Variants in EPC2 observed in about 807,000 individuals in gnomAD.
The protein encoded by EPC2 is enhancer of polycomb 2.
EPC2 carries 14 observed loss-of-function variants against 92.1 expected under a neutral mutation model. The observed-to-expected ratio is 0.15, with a 90% CI of 0.10 to 0.24. The LOEUF (loss-of-function observed/expected upper bound fraction) is 0.24. Ranked by LOEUF, EPC2 falls within the 10% of genes least tolerant of loss-of-function variation. The pLI, the probability that EPC2 is intolerant of heterozygous loss-of-function variation, is 1.00. For missense variants in EPC2, 755 were observed against 971.5 expected (o/e 0.78, Z 2.96); for synonymous variants, 340 against 334.7 (o/e 1.02, Z -0.17).
intron 3 of EPC2, among the ~76,000 whole-genome samples, chr2:148,744,312 A>G (rs1366886639): frequency 6.6e-6 from 1 of 152,100 alleles, no homozygotes; most frequent in Non-Finnish European, 1.5e-5. Flanking sequence ...ATATTTATGC[A>G]CTTTGATTTA....
chr2:148,690,062 T>C (rs1274709028), intron 1 of EPC2, among the ~76,000 whole-genome samples, 152 bp from the exon 2 acceptor site: 1 of 152,244 alleles, frequency 6.6e-6, no homozygotes, highest in East Asian at 1.9e-4. Flanking sequence ...GAGAGAATGA[T>C]GACAATGTAA....
At chr2:148,751,972 C>T (rs1385867185) in intron 3 of EPC2, among the ~76,000 whole-genome samples, 1 of 152,032 alleles carries the variant, frequency 6.6e-6, no homozygotes, top group Non-Finnish European at 1.5e-5. Context: ...ATTCTTATTA[C>T]TTGTGATATA....
rs533919314 is a variant in EPC2, at chr2:148,678,644, G to T, written c.154-11570G>T. On this transcript the variant is annotated intron_variant, in intron 1 of 13. Transcript: ENST00000258484. ...ACAGCCTCCGCAGCCGCTGGCCCGG[G>T]TGCTAAGCCCCTCATTGCCTGGGGC... 1.7e-4 allele frequency among the ~76,000 whole-genome samples: 26 copies of T among 152,380 alleles called. No homozygotes were observed. In the South Asian group the frequency reaches 5.2e-3, roughly 30 times the overall value.
Position 148,644,964 on chromosome 2 carries a change from T to G in EPC2, c.-54T>G, listed in dbSNP as rs1054005947. The G allele has an allele frequency of 2.5e-5, 23 of 934,436 alleles. No homozygotes were observed. The highest frequency in any genetic ancestry group is 4.0e-4 in the Middle Eastern group (1 of 2,524). The allele number at this position is 934,436 out of a possible 1,614,324, so 57.9% of individuals were successfully genotyped here. On this transcript the variant is annotated 5_prime_UTR_variant, in exon 1 of 14. Coordinates refer to ENST00000258484, the MANE Select transcript of EPC2 (RefSeq NM_015630.4). ...GGAGGCGGCGGGAGTCCTCCCCCCC[T>G]CCCCGCCCGCCCCGCCGCCGCCGCC... is the stretch of plus-strand genomic sequence containing the variant.
In EPC2 at chr2:148,645,032, C is replaced by T. The variant is rs749546841; in HGVS notation, c.15C>T (p.Ser5=). 32 of 1,554,948 alleles carry T rather than the reference C, an allele frequency of 2.1e-5. No individual in the cohort carries two copies. The highest frequency in any genetic ancestry group is 2.7e-5 in the Non-Finnish European group (31 of 1,148,442). The change falls in exon 1 of 14, where the codon TCC becomes TCT. Residue 5 remains serine, a synonymous_variant. Coordinates refer to ENST00000258484, the MANE Select transcript of EPC2 (RefSeq NM_015630.4). The part of the protein sequence containing the change: MSKL[S]FRARALDAAK... ...GCGGGGAGACAATGAGTAAACTCTC[C>T]TTCCGAGCGCGGGCGCTGGACGCCG...
chr2:148,647,327 G>A (rs901539628), intron 1 of EPC2, among the ~76,000 whole-genome samples: 5 of 152,138 alleles, frequency 3.3e-5, no homozygotes, highest in Non-Finnish European at 5.9e-5. Flanking sequence ...TGTTTTTTGA[G>A]ATGGAGTTTA....
intron 1 of EPC2, among the ~76,000 whole-genome samples, chr2:148,670,549 T>G (rs1681136144): frequency 1.3e-5 from 2 of 152,228 alleles, no homozygotes. Flanking sequence ...ATTTTTTGTT[T>G]CTTTTTGTAT....
At chr2:148,728,919 C>G (rs922800917) in intron 2 of EPC2, among the ~76,000 whole-genome samples, 3 of 149,804 alleles carry the variant, frequency 2.0e-5, no homozygotes, top group Non-Finnish European at 3.0e-5. Flanking sequence ...GTAGTCCCAG[C>G]TACTCGGGAG....
Position 148,743,636 on chromosome 2 carries a change from A to G in EPC2, c.328A>G (p.Asn110Asp), listed in dbSNP as rs1253597994. The G allele has an allele frequency of 3.2e-6, 5 of 1,577,388 alleles. No homozygotes were observed. The highest frequency in any genetic ancestry group is 1.7e-4 in the Middle Eastern group (1 of 5,858). Residue 110 changes from asparagine (N) to aspartate (D), a missense_variant, in exon 3 of 14, where the codon AAC (asparagine) becomes GAC (aspartate). Physicochemically the swap from Asn to Asp is conservative, Grantham distance 23 (BLOSUM62 1). Around this residue, in one of 4 missense-constraint regions of EPC2, gnomAD observed 509 missense variants for 607.7 expected, o/e 0.84. Coordinates refer to ENST00000258484, the MANE Select transcript of EPC2 (RefSeq NM_015630.4). The stretch of plus-strand genomic sequence containing the variant: ...TTCTTTTCTAGCTTTTAATCTAGAC[A>G]ACGAGCAACCAGATTATGATATGGA... Reference protein sequence around the residue: ...FIHIQPFNLDNEQPDYDMDSE... With the variant: ...FIHIQPFNLDDEQPDYDMDSE...
intron 1 of EPC2, among the ~76,000 whole-genome samples, chr2:148,657,942 A>G (rs993816498): frequency 6.6e-6 from 1 of 151,856 alleles, no homozygotes; most frequent in African/African-American, 2.4e-5. Flanking sequence ...AGACATATCT[A>G]TATTACACAT....
intron 5 of EPC2, chr2:148,762,241 T>G: frequency 5.3e-6 from 1 of 190,332 alleles, no homozygotes. Flanking sequence ...GTATTAAATT[T>G]TCTATTAAAT....
intron 1 of EPC2, among the ~76,000 whole-genome samples, chr2:148,687,653 A>G (rs191792023): frequency 6.6e-5 from 10 of 152,316 alleles, no homozygotes; most frequent in Admixed American, 5.2e-4. Flanking sequence ...TATTTGGGGA[A>G]AAGCAGGTAT....
At chr2:148,767,116 C>G (rs1418791023) in intron 7 of EPC2, among the ~76,000 whole-genome samples, 2 of 151,098 alleles carry the variant, frequency 1.3e-5, no homozygotes, top group Non-Finnish European at 2.9e-5. Flanking sequence ...GAGGATTGCT[C>G]GAGCCAGGGA....
At chr2:148,660,584 T>C (rs938112576) in intron 1 of EPC2, among the ~76,000 whole-genome samples, 1 of 152,066 alleles carries the variant, frequency 6.6e-6, no homozygotes, top group Non-Finnish European at 1.5e-5. Context: ...TTTTTTTTTT[T>C]TTAAGTCCTT....
chr2:148,701,390 G>A (rs1681884157), intron 2 of EPC2, among the ~76,000 whole-genome samples: 1 of 152,084 alleles, frequency 6.6e-6, no homozygotes, highest in Non-Finnish European at 1.5e-5. Context: ...ATTAACTGTA[G>A]GTTTTCTGTA....
chr2:148,761,262 T>C (rs1683296185), intron 4 of EPC2, among the ~76,000 whole-genome samples: 1 of 152,224 alleles, frequency 6.6e-6, no homozygotes, highest in Non-Finnish European at 1.5e-5. Context: ...TATCCTACTT[T>C]CAGTTTTCTG....
chr2:148,773,582 C>T (rs1683569088), intron 10 of EPC2, among the ~76,000 whole-genome samples: 1 of 152,078 alleles, frequency 6.6e-6, no homozygotes, highest in Admixed American at 6.6e-5. Flanking sequence ...TTCTTCTTCA[C>T]TGACTGTGAC....
chr2:148,743,602 A>G lies in EPC2; in HGVS notation c.314-20A>G, dbSNP rs763971743. Reference sequence around the variant, plus strand: ...TTCATAATTTCTCCTGAGTTTGAAGAATTTTTCTTTCTTTTCTAGCTTTTA... The same window carrying G: ...TTCATAATTTCTCCTGAGTTTGAAGGATTTTTCTTTCTTTTCTAGCTTTTA... On this transcript the variant is annotated intron_variant, in intron 2 of 13. Coordinates refer to ENST00000258484, the MANE Select transcript of EPC2 (RefSeq NM_015630.4). The G allele has an allele frequency of 1.6e-5, 24 of 1,517,594 alleles. No homozygotes were observed. The African/African-American group carries it at 3.4e-4, about 21-fold the overall frequency. The allele number at this position is 1,517,594 out of a possible 1,614,324, so 94.0% of individuals were successfully genotyped here. A position where few individuals can be genotyped will look rare whatever the true frequency, so the allele number is the denominator to read the frequency against.
chr2:148,714,753 G>GGT (rs1682223027), intron 2 of EPC2, among the ~76,000 whole-genome samples: 5 of 151,070 alleles, frequency 3.3e-5, no homozygotes, highest in East Asian at 2.0e-4. Flanking sequence ...CTTTTAATCA[G>GGT]GTTGTTTTTT....
Sources: gnomAD v4.1 joint callset for allele counts (sites outside exome capture counted in the v4.1 genomes callset) on GRCh38, gnomAD v4.1.1 for gene constraint, gnomAD v4.1.1 regional missense constraint, MANE v1.5 for transcripts, NCBI Gene and HGNC (gene_info 2026-07-23, HGNC 2026-07-21) for gene names.